Variants in ST6GALNAC3 observed in about 807,000 individuals in gnomAD.
The protein encoded by ST6GALNAC3 is ST6 N-acetylgalactosaminide alpha-2,6-sialyltransferase 3.
ST6GALNAC3 carries 25 observed loss-of-function variants against 32.7 expected under a neutral mutation model. That is an observed-to-expected ratio of 0.76 (90% CI 0.56 to 1.07). The LOEUF (loss-of-function observed/expected upper bound fraction) is 1.07. Ranked by LOEUF, ST6GALNAC3 falls within the 50% of genes least tolerant of loss-of-function variation. ST6GALNAC3 has a pLI of 0.00. For synonymous variants in ST6GALNAC3, 129 were observed against 133.1 expected, an observed-to-expected ratio of 0.97 and a Z score of 0.21; for missense variants, 355 against 382.4, an observed-to-expected ratio of 0.93 and a Z score of 0.60.
At position 76,575,390 on chromosome 1, in the gene ST6GALNAC3, T is replaced by C. The variant is rs139389055; in HGVS notation, c.624-52062T>C. 1.3e-3 allele frequency among the ~76,000 whole-genome samples: 191 copies of C among 152,244 alleles called. 1 individual carries two copies. Among genetic ancestry groups the C allele is most frequent in the African/African-American group, 4.3e-3 (178 of 41,562 alleles). ...TTATTCATTAATTACATCATTGATT[T>C]ATTCACCAAACATGCATTGAGCACT... On this transcript the variant is annotated intron_variant, in intron 3 of 4. Coordinates refer to ENST00000328299, the MANE Select transcript of ST6GALNAC3 (RefSeq NM_152996.4).
intron 1 of ST6GALNAC3, among the ~76,000 whole-genome samples, chr1:76,090,607 G>A (rs289692): frequency 0.2 from 29,801 of 152,038 alleles, 3,020 homozygotes; most frequent in African/African-American, 0.21. Context: ...AATATATTAC[G>A]ATCTTTGAAT....
At chr1:76,399,049 A>G (rs1653204442) in intron 2 of ST6GALNAC3, among the ~76,000 whole-genome samples, 1 of 152,120 alleles carries the variant, frequency 6.6e-6, no homozygotes, top group Non-Finnish European at 1.5e-5. Flanking sequence ...ATCTTATGCC[A>G]ATTTTTTATT....
At chr1:76,402,985 C>T (rs901193570) in intron 2 of ST6GALNAC3, among the ~76,000 whole-genome samples, 1 of 151,734 alleles carries the variant, frequency 6.6e-6, no homozygotes, top group African/African-American at 2.4e-5. Flanking sequence ...CCATCTTTAC[C>T]AACCTCCTCC....
intron 2 of ST6GALNAC3, among the ~76,000 whole-genome samples, chr1:76,410,881 C>T (rs990052695): frequency 6.6e-6 from 1 of 152,058 alleles, no homozygotes; most frequent in Non-Finnish European, 1.5e-5. Context: ...AGGCATTGTT[C>T]TGACATAGTT....
At chr1:76,614,897 G>C (rs551527837) in intron 3 of ST6GALNAC3, among the ~76,000 whole-genome samples, 1 of 152,112 alleles carries the variant, frequency 6.6e-6, no homozygotes, top group South Asian at 2.1e-4. Flanking sequence ...GGCTGTGACT[G>C]GGGGGTAGGG....
chr1:76,573,338 T>G (rs1646742077), intron 3 of ST6GALNAC3, among the ~76,000 whole-genome samples: 1 of 152,130 alleles, frequency 6.6e-6, no homozygotes, highest in African/African-American at 2.4e-5. Flanking sequence ...TCCTGCCTCC[T>G]CCTTCCACGT....
intron 1 of ST6GALNAC3, among the ~76,000 whole-genome samples, chr1:76,276,545 C>T (rs2100770549): frequency 6.6e-6 from 1 of 152,068 alleles, no homozygotes; most frequent in Admixed American, 6.5e-5. Context: ...GTGATTAAGC[C>T]ACAGTTTACT....
intron 1 of ST6GALNAC3, among the ~76,000 whole-genome samples, chr1:76,089,807 C>T (rs1481627436): frequency 6.6e-6 from 1 of 152,162 alleles, no homozygotes; most frequent in Non-Finnish European, 1.5e-5. Context: ...TGAGTCCTGC[C>T]TTGGAAAGAC....
chr1:76,166,969 C>T (rs1652162128), intron 1 of ST6GALNAC3, among the ~76,000 whole-genome samples: 1 of 152,150 alleles, frequency 6.6e-6, no homozygotes, highest in Non-Finnish European at 1.5e-5. Context: ...TTGACTTCCT[C>T]TCTTCCGATT....
chr1:76,288,270 A>ATGTGTTTGTAAGTCCAATTT, intron 1 of ST6GALNAC3, among the ~76,000 whole-genome samples: 1 of 152,280 alleles, frequency 6.6e-6, no homozygotes, highest in African/African-American at 2.4e-5. Flanking sequence ...CCCAGTAACG[A>ATGTGTTTGTAAGTCCAATTT]TGTGTTTGTA....
chr1:76,418,472 C>T (rs569263072), intron 3 of ST6GALNAC3, among the ~76,000 whole-genome samples: 1 of 152,020 alleles, frequency 6.6e-6, no homozygotes, highest in Non-Finnish European at 1.5e-5. Flanking sequence ...ATAGTTTGCC[C>T]GAAGAAATGC....
intron 3 of ST6GALNAC3, among the ~76,000 whole-genome samples, chr1:76,482,347 G>A (rs368312745): frequency 6.6e-5 from 10 of 152,090 alleles, no homozygotes; most frequent in Admixed American, 2.6e-4. Context: ...AGAAGAGATC[G>A]TTCACATACC....
intron 3 of ST6GALNAC3, among the ~76,000 whole-genome samples, chr1:76,442,978 C>G (rs1366617999): frequency 6.6e-6 from 1 of 152,204 alleles, no homozygotes; most frequent in African/African-American, 2.4e-5. Context: ...CTTTAAATTA[C>G]TGGCTTTCTG....
chr1:76,267,273 G>C (rs535563217), intron 1 of ST6GALNAC3, among the ~76,000 whole-genome samples: 1 of 152,318 alleles, frequency 6.6e-6, no homozygotes, highest in African/African-American at 2.4e-5. Flanking sequence ...CCCCTGCTAA[G>C]CTTCGTGGAC....
At chr1:76,139,411 AACAC>A (rs34648991) in intron 1 of ST6GALNAC3, among the ~76,000 whole-genome samples, 3 of 151,450 alleles carry the variant, frequency 2.0e-5, no homozygotes, top group Non-Finnish European at 4.4e-5. Flanking sequence ...CACACATATA[AACAC>A]ACACACACAC....
chr1:76,294,685 A>G (rs1222716901), intron 1 of ST6GALNAC3, among the ~76,000 whole-genome samples: 1 of 150,068 alleles, frequency 6.7e-6, no homozygotes, highest in East Asian at 1.9e-4. Context: ...GTCAGAAAAG[A>G]GTAAGTTTTT....
chr1:76,576,675 A>G (rs1646813806), intron 3 of ST6GALNAC3, among the ~76,000 whole-genome samples: 1 of 152,094 alleles, frequency 6.6e-6, no homozygotes, highest in Non-Finnish European at 1.5e-5. Context: ...ATAATTTTGG[A>G]AAGTACAGAT....
At chr1:76,503,185 CAA>C (rs1302938782) in intron 3 of ST6GALNAC3, among the ~76,000 whole-genome samples, 4 of 152,154 alleles carry the variant, frequency 2.6e-5, no homozygotes. Flanking sequence ...CAGGATTTGC[CAA>C]AGAGAAAGTC....
In ST6GALNAC3 at chr1:76,334,812, G is replaced by GTTTTTTA. The variant is rs1219746524; in HGVS notation, c.213+20813_213+20814insTTTTTTA. Among the ~76,000 whole-genome samples the GTTTTTTA allele has an allele frequency of 6.6e-4, 101 of 152,262 alleles. 1 individual carries two copies. The South Asian group carries it at 0.02, about 31-fold the overall frequency. ...GATGAGGTAAAACACCAATTGATGG[G>GTTTTTTA]CCCCAGCCCCAGGGTTTCCGATTCA... On this transcript the variant is annotated intron_variant, in intron 2 of 4. Coordinates refer to ENST00000328299, the MANE Select transcript of ST6GALNAC3 (RefSeq NM_152996.4).
Sources: allele counts gnomAD v4.1 joint callset (sites outside exome capture counted in the v4.1 genomes callset), GRCh38; gene constraint gnomAD v4.1.1; transcripts MANE v1.5; gene names NCBI Gene and HGNC (gene_info 2026-07-23, HGNC 2026-07-21).